Variants in FER observed in about 807,000 individuals in gnomAD.
FER encodes FER tyrosine kinase.
FER carries 63 observed loss-of-function variants against 111.0 expected under a neutral mutation model. The ratio of observed to expected loss-of-function variants is 0.57; its 90% CI spans 0.46 to 0.70. FER has a LOEUF of 0.70. FER is among the 30% of genes least tolerant of loss of function. The probability of loss-of-function intolerance (pLI) is 0.00; values close to 1 mark genes in which losing one functional copy is unlikely to be tolerated. For missense variants in FER, 914 were observed against 954.0 expected (o/e 0.96, Z 0.55); for synonymous variants, 327 against 313.9 (o/e 1.04, Z -0.44).
intron 9 of FER, chr5:108,894,522 T>C: frequency 2.5e-6 from 1 of 398,490 alleles, no homozygotes; most frequent in African/African-American, 2.1e-5. Flanking sequence ...TAGTTTGATG[T>C]TGAGATACCG....
At chr5:109,053,696 T>A (rs564911865) in intron 16 of FER, among the ~76,000 whole-genome samples, 1,771 of 144,972 alleles carry the variant, frequency 0.012, 18 homozygotes, top group Non-Finnish European at 0.02. Context: ...GTTCTATTTT[T>A]TTTTTTTTTT....
At chr5:108,937,886 TA>T (rs1755693981) in intron 10 of FER, among the ~76,000 whole-genome samples, 1 of 151,708 alleles carries the variant, frequency 6.6e-6, no homozygotes, top group Non-Finnish European at 1.5e-5. Context: ...ATAACTCTTT[TA>T]GGAATTTTTT....
intron 16 of FER, 89 bp from the exon 17 acceptor site, chr5:109,100,307 C>A: frequency 6.6e-7 from 1 of 1,506,768 alleles, no homozygotes; most frequent in Non-Finnish European, 9.0e-7. Flanking sequence ...GCATTTTGCT[C>A]TGTCAAATAT....
At chr5:109,059,747 G>C (rs1295904220) in intron 16 of FER, among the ~76,000 whole-genome samples, 1 of 152,070 alleles carries the variant, frequency 6.6e-6, no homozygotes, top group Non-Finnish European at 1.5e-5. Context: ...GTAAAATGAT[G>C]GTCACTTTGG....
intron 8 of FER, among the ~76,000 whole-genome samples, chr5:108,877,278 G>A (rs951312762): frequency 6.6e-6 from 1 of 152,124 alleles, no homozygotes; most frequent in African/African-American, 2.4e-5. Context: ...TGTGTTAGGG[G>A]AATACTTTAA....
chr5:108,852,935 T>C (rs1018735369), intron 5 of FER, among the ~76,000 whole-genome samples: 8 of 152,184 alleles, frequency 5.3e-5, no homozygotes, highest in African/African-American at 1.7e-4. Flanking sequence ...TCATTTATAT[T>C]CTTTGTATTA....
At chr5:108,939,387 A>T (rs1044988257) in intron 10 of FER, among the ~76,000 whole-genome samples, 1 of 152,104 alleles carries the variant, frequency 6.6e-6, no homozygotes, top group Non-Finnish European at 1.5e-5. Flanking sequence ...AGCCTACTAT[A>T]TTAGTTCTAT....
At chr5:108,758,854 G>A (rs924697698) in intron 1 of FER, among the ~76,000 whole-genome samples, 9 of 152,064 alleles carry the variant, frequency 5.9e-5, no homozygotes, top group African/African-American at 1.2e-4. Flanking sequence ...TGAGCAAAAC[G>A]CATTTACTAT....
intron 13 of FER, among the ~76,000 whole-genome samples, chr5:109,020,636 A>G (rs1197935943): frequency 2.0e-5 from 3 of 151,988 alleles, no homozygotes; most frequent in African/African-American, 7.2e-5. Flanking sequence ...AAGATTAATT[A>G]TGTTTTATCC....
intron 3 of FER, among the ~76,000 whole-genome samples, chr5:108,828,969 A>G (rs1192720626): frequency 6.6e-6 from 1 of 152,142 alleles, no homozygotes; most frequent in African/African-American, 2.4e-5. Flanking sequence ...ATCTTCCACA[A>G]ATTATCCTAA....
chr5:109,006,139 A>T (rs1215091652), intron 13 of FER, among the ~76,000 whole-genome samples: 5 of 152,172 alleles, frequency 3.3e-5, no homozygotes, highest in Admixed American at 6.5e-5. Flanking sequence ...GTAAATGATG[A>T]CTTTGAATCT....
At chr5:108,966,891 A>G (rs1275125695) in intron 13 of FER, among the ~76,000 whole-genome samples, 1 of 152,170 alleles carries the variant, frequency 6.6e-6, no homozygotes, top group Non-Finnish European at 1.5e-5. Flanking sequence ...CAAACATAGA[A>G]CAAACAAAGC....
At chr5:108,892,563 A>G (rs1428708295) in intron 9 of FER, among the ~76,000 whole-genome samples, 3 of 152,068 alleles carry the variant, frequency 2.0e-5, no homozygotes, top group African/African-American at 7.2e-5. Context: ...GATTCTGGAT[A>G]TTAGCCCTTT....
At chr5:109,127,415 A>G (rs187344615) in intron 17 of FER, among the ~76,000 whole-genome samples, 18 of 151,724 alleles carry the variant, frequency 1.2e-4, no homozygotes, top group Non-Finnish European at 1.5e-5. Context: ...TTTTATTTGT[A>G]TTTTTTTGAG....
At chr5:109,012,340 T>C (rs1484909753) in intron 13 of FER, among the ~76,000 whole-genome samples, 1 of 152,200 alleles carries the variant, frequency 6.6e-6, no homozygotes. Context: ...AGTTGCTTAT[T>C]TAGTATGTTT....
At chr5:108,881,312 G>A (rs1765651100) in intron 8 of FER, among the ~76,000 whole-genome samples, 1 of 152,138 alleles carries the variant, frequency 6.6e-6, no homozygotes, top group South Asian at 2.1e-4. Flanking sequence ...GCAAGGAGGA[G>A]CAAGTCACGT....
chr5:108,807,690 T>A (rs916221335), intron 3 of FER, among the ~76,000 whole-genome samples: 23 of 152,194 alleles, frequency 1.5e-4, no homozygotes, highest in Non-Finnish European at 5.9e-5. Flanking sequence ...TTTTTCTTGA[T>A]CTTCTAGGTA....
At chr5:108,979,117 C>A (rs1761740110) in intron 13 of FER, among the ~76,000 whole-genome samples, 1 of 152,078 alleles carries the variant, frequency 6.6e-6, no homozygotes, top group South Asian at 2.1e-4. Flanking sequence ...TGATTGTTGG[C>A]AAATTGCATT....
intron 13 of FER, among the ~76,000 whole-genome samples, chr5:109,000,326 G>A (rs1255470776): frequency 6.6e-6 from 1 of 151,652 alleles, no homozygotes; most frequent in Non-Finnish European, 1.5e-5. Flanking sequence ...GAGTACATTT[G>A]TTCTAAGAAA....
Sources: gnomAD v4.1 joint callset for allele counts (sites outside exome capture counted in the v4.1 genomes callset) on GRCh38, gnomAD v4.1.1 for gene constraint, MANE v1.5 for transcripts, NCBI Gene and HGNC (gene_info 2026-07-23, HGNC 2026-07-21) for gene names.